ADAM19: variants seen among roughly 807,000 people sequenced by gnomAD.
ADAM19 encodes disintegrin and metalloproteinase domain-containing protein 19.
A neutral mutation model predicts 114.7 loss-of-function variants in ADAM19; 65 were observed. The ratio of observed to expected loss-of-function variants is 0.57; its 90% CI spans 0.46 to 0.70. The LOEUF is 0.70. ADAM19 is among the 30% of genes least tolerant of loss of function. The pLI is 0.00. For missense variants in ADAM19, 1,063 were observed against 1,204.7 expected, an observed-to-expected ratio of 0.88 and a Z score of 1.74; for synonymous variants, 466 against 460.5, an observed-to-expected ratio of 1.01 and a Z score of -0.15.
At chr5:157,546,016 A>G (rs1757038150) in intron 3 of ADAM19, among the ~76,000 whole-genome samples, 1 of 152,100 alleles carries the variant, frequency 6.6e-6, no homozygotes, top group Admixed American at 6.5e-5. Flanking sequence ...CCCTCCACAA[A>G]CATGTATGGA....
At chr5:157,573,084 T>TGG (rs1757875501) in intron 1 of ADAM19, among the ~76,000 whole-genome samples, 1 of 152,138 alleles carries the variant, frequency 6.6e-6, no homozygotes, top group African/African-American at 2.4e-5. Context: ...CTCTGATAAG[T>TGG]CTATATTATT....
chr5:157,523,878 A>G (rs996276795), intron 5 of ADAM19, among the ~76,000 whole-genome samples: 1 of 152,204 alleles, frequency 6.6e-6, no homozygotes, highest in Non-Finnish European at 1.5e-5. Flanking sequence ...CACCAGGCCC[A>G]TAGTAATTCT....
In ADAM19 at chr5:157,480,211, T is replaced by A; in HGVS notation, c.*738A>T. 1 of 986,128 alleles carries A rather than the reference T, an allele frequency of 1.0e-6. No homozygotes were observed. Among genetic ancestry groups the A allele is most frequent in the Non-Finnish European group, 1.2e-6 (1 of 830,054 alleles). The allele number at this position is 986,128 out of a possible 1,614,324, so 61.1% of individuals were successfully genotyped here. On this transcript the variant is annotated 3_prime_UTR_variant, in exon 23 of 23. Transcript: ENST00000257527. ...GAAAACAAAGAGCAACTAAAAATTA[T>A]CCAGAGTCAGGAGTCGCAACCTTTG...
chr5:157,538,555 C>T (rs1417508910), intron 3 of ADAM19, among the ~76,000 whole-genome samples: 1 of 152,240 alleles, frequency 6.6e-6, no homozygotes, highest in Non-Finnish European at 1.5e-5. Flanking sequence ...ATCTGTTCTT[C>T]TGTTCCTGCT....
In ADAM19 at chr5:157,493,022, A is replaced by C; in HGVS notation, c.1859T>G (p.Met620Arg). 1 of 1,614,224 alleles carries C rather than the reference A, an allele frequency of 6.2e-7. No individual in the cohort carries two copies. Among genetic ancestry groups the C allele is most frequent in the East Asian group, 2.2e-5 (1 of 44,886 alleles). ...AGTCATCACCAGCCCTGGGTCCAGC[A>C]TGTCACCCTCCTCCTCAGGACCTCG... ...VYRGPEEEGD[M>R]LDPGLVMTGT... is the part of the protein sequence containing the mutation. The change falls in exon 16 of 23, where the codon ATG (methionine) becomes AGG (arginine). Residue 620 changes from methionine (M) to arginine (R), a missense_variant. Physicochemically the swap from Met to Arg is moderately conservative, Grantham distance 91. Transcript: ENST00000257527.
intron 11 of ADAM19, among the ~76,000 whole-genome samples, chr5:157,504,175 G>A (rs537823295): frequency 2.0e-4 from 30 of 152,284 alleles, no homozygotes; most frequent in Admixed American, 7.8e-4. Context: ...AGAGAGAAAG[G>A]GGTGAGCTTA....
chr5:157,505,862 C>A (rs1035885764), intron 10 of ADAM19, 54 bp from the exon 11 acceptor site: 2 of 1,579,622 alleles, frequency 1.3e-6, no homozygotes, highest in African/African-American at 1.3e-5. Context: ...CTGCCTCTGC[C>A]CCCCATCCCT....
chr5:157,477,833 G>T lies in ADAM19; in HGVS notation c.*3116C>A. 1 of 779,776 alleles carries T rather than the reference G, an allele frequency of 1.3e-6. No homozygotes were observed. The highest frequency in any genetic ancestry group is 1.9e-6 in the Non-Finnish European group (1 of 527,968). 48.3% of individuals were successfully genotyped at this position (779,776 alleles called of 1,614,324 possible). On this transcript the variant is annotated 3_prime_UTR_variant, in exon 23 of 23. Transcript: ENST00000257527. ...GAGGTGGGGAGGGGCTATTGCTTCAGGGGGAAGGGACTATGGCAATACAAA... is the reference window on the plus strand; with the variant it reads ...GAGGTGGGGAGGGGCTATTGCTTCATGGGGAAGGGACTATGGCAATACAAA...
rs374622978 is a variant in ADAM19, at chr5:157,480,678, A to G, written c.*271T>C. On this transcript the variant is annotated 3_prime_UTR_variant, in exon 23 of 23. Coordinates refer to ENST00000257527, the MANE Select transcript of ADAM19 (RefSeq NM_033274.5). ...CTAGGAGTCTGGAGGAGAAGCTGCC[A>G]GTCACCCTCCTCATACTCTCCCCTC... 8.5e-5 allele frequency: 107 copies of G among 1,254,854 alleles called. No homozygotes were observed. The East Asian group carries it at 1.1e-3, about 12-fold the overall frequency. The allele number at this position is 1,254,854 out of a possible 1,614,324, so 77.7% of individuals were successfully genotyped here. A position where few individuals can be genotyped will look rare whatever the true frequency, so the allele number is the denominator to read the frequency against.
intron 8 of ADAM19, 66 bp downstream of exon 8, chr5:157,513,368 A>C (rs1755983050): frequency 1.3e-6 from 2 of 1,489,888 alleles, no homozygotes; most frequent in Admixed American, 1.7e-5. Flanking sequence ...AGCAGAAGGC[A>C]GCTCCAGTGC....
chr5:157,543,944 G>A (rs189494130), intron 3 of ADAM19, among the ~76,000 whole-genome samples: 1 of 152,198 alleles, frequency 6.6e-6, no homozygotes, highest in Non-Finnish European at 1.5e-5. Flanking sequence ...GAAAAGCAGG[G>A]AAGAGACAGC....
In ADAM19 at chr5:157,487,951, T is replaced by C. The variant is rs575661416; in HGVS notation, c.2550+314A>G. Among the ~76,000 whole-genome samples the C allele has an allele frequency of 1.2e-4, 18 of 152,080 alleles. 1 individual carries two copies. The South Asian group carries it at 3.5e-3, about 30-fold the overall frequency. ...AGCGTATCAGGCAGAACAAGCAGCA[T>C]TTACAAAGACCTAGCAGGCAGACGA... On this transcript the variant is annotated intron_variant, in intron 21 of 22. Transcript: ENST00000257527.
intron 3 of ADAM19, among the ~76,000 whole-genome samples, chr5:157,552,840 G>A (rs543994852): frequency 5.1e-4 from 78 of 152,200 alleles, no homozygotes; most frequent in African/African-American, 1.8e-3. Flanking sequence ...ACACAATGGA[G>A]TACTATTCTG....
intron 3 of ADAM19, among the ~76,000 whole-genome samples, chr5:157,542,801 T>C (rs1391282082): frequency 6.6e-6 from 1 of 152,184 alleles, no homozygotes; most frequent in Non-Finnish European, 1.5e-5. Context: ...CCAGATTCTG[T>C]CTCAAAACAT....
At chr5:157,519,305 C>T (rs1342333611) in intron 6 of ADAM19, among the ~76,000 whole-genome samples, 1 of 152,164 alleles carries the variant, frequency 6.6e-6, no homozygotes, top group Non-Finnish European at 1.5e-5. Flanking sequence ...GGAAAGCATA[C>T]TTTTTTTCCC....
At chr5:157,527,460 T>C (rs1756498861) in intron 5 of ADAM19, among the ~76,000 whole-genome samples, 1 of 152,178 alleles carries the variant, frequency 6.6e-6, no homozygotes, top group African/African-American at 2.4e-5. Flanking sequence ...TCTGCCTGCC[T>C]CGGCCTCCCA....
intron 7 of ADAM19, 139 bp from the exon 8 acceptor site, chr5:157,513,644 C>A: frequency 1.4e-6 from 1 of 736,146 alleles, no homozygotes; most frequent in Middle Eastern, 2.7e-4. Flanking sequence ...TTGTCTTCCC[C>A]ACCACAGTAA....
chr5:157,477,802 T>C lies in ADAM19; in HGVS notation c.*3147A>G. ...TTCCAATAAAGATTGGAAAGGCGTA[T>C]TGCAGGAGGTGGGGAGGGGCTATTG... On this transcript the variant is annotated 3_prime_UTR_variant, in exon 23 of 23. Coordinates refer to ENST00000257527, the MANE Select transcript of ADAM19 (RefSeq NM_033274.5). 1.8e-6 allele frequency: 2 copies of C among 1,136,854 alleles called. No individual in the cohort carries two copies. The highest frequency in any genetic ancestry group is 4.6e-5 in the Admixed American group (2 of 43,274). The allele number at this position is 1,136,854 out of a possible 1,614,324, so 70.4% of individuals were successfully genotyped here.
At chr5:157,547,534 G>C (rs908167854) in intron 3 of ADAM19, among the ~76,000 whole-genome samples, 16 of 152,218 alleles carry the variant, frequency 1.1e-4, no homozygotes, top group Admixed American at 1.0e-3. Flanking sequence ...AGCATAGCAA[G>C]AAGGCCCTCA....
Sources: allele counts gnomAD v4.1 joint callset (sites outside exome capture counted in the v4.1 genomes callset), GRCh38; gene constraint gnomAD v4.1.1; transcripts MANE v1.5; gene names NCBI Gene and HGNC (gene_info 2026-07-23, HGNC 2026-07-21).